The following TCF4 variants were observed in gnomAD, a reference collection of about 807,000 sequenced individuals.
TCF4 encodes the protein SL3-3 enhancer factor 2.
Under a neutral mutation model 82.1 loss-of-function variants are expected in TCF4, and 3 were observed. The ratio of observed to expected loss-of-function variants is 0.04; its 90% CI spans 0.02 to 0.09. TCF4 has a LOEUF of 0.09. TCF4 is among the 10% of genes least tolerant of loss of function. The pLI is 1.00. For missense variants in TCF4, 518 were observed against 852.7 expected (o/e 0.61, Z 4.89); for synonymous variants, 276 against 309.6 (o/e 0.89, Z 1.14).
chr18:55,234,344 ATG>A, intron 16 of TCF4: 1 of 671,876 alleles, frequency 1.5e-6, no homozygotes, highest in East Asian at 2.7e-5. Context: ...ATTTCAGAGG[ATG>A]TTTGAGGAAA....
chr18:55,329,286 C>A (rs1342023075), intron 8 of TCF4, among the ~76,000 whole-genome samples: 1 of 152,042 alleles, frequency 6.6e-6, no homozygotes, highest in African/African-American at 2.4e-5. Context: ...TGAATTTTAA[C>A]GACTGAGTTT....
chr18:55,604,383 T>A (rs1367024697), intron 2 of TCF4, among the ~76,000 whole-genome samples: 13 of 152,152 alleles, frequency 8.5e-5, no homozygotes, highest in Admixed American at 8.5e-4. Flanking sequence ...CTTGTCTTCC[T>A]CTTTTTTCTT....
chr18:55,505,350 A>G (rs2096742787), intron 3 of TCF4, among the ~76,000 whole-genome samples: 1 of 152,192 alleles, frequency 6.6e-6, no homozygotes, highest in Non-Finnish European at 1.5e-5. Flanking sequence ...TACTATCAAC[A>G]ATACATAATA....
At chr18:55,453,425 T>C (rs558696360) in intron 5 of TCF4, among the ~76,000 whole-genome samples, 1 of 152,362 alleles carries the variant, frequency 6.6e-6, no homozygotes, top group East Asian at 1.9e-4. Flanking sequence ...TCCTACCTGA[T>C]ACAAATTGCT....
intron 4 of TCF4, 55 bp downstream of exon 4, chr18:55,464,021 T>TTTA: frequency 6.6e-7 from 1 of 1,510,696 alleles, no homozygotes; most frequent in East Asian, 2.3e-5. Context: ...CTTCTGTTTG[T>TTTA]CAATTTACAT....
chr18:55,348,692 A>G (rs1212662510), intron 8 of TCF4, among the ~76,000 whole-genome samples: 1 of 152,178 alleles, frequency 6.6e-6, no homozygotes, highest in African/African-American at 2.4e-5. Flanking sequence ...AAGCAGATAC[A>G]TACCATCCAA....
At chr18:55,612,368 T>C (rs2097707891) in intron 2 of TCF4, among the ~76,000 whole-genome samples, 2 of 152,222 alleles carry the variant, frequency 1.3e-5, no homozygotes, top group Non-Finnish European at 2.9e-5. Context: ...GTCTATCTTT[T>C]ATTTTATTTG....
At chr18:55,256,210 T>A (rs2056787590) in intron 14 of TCF4, among the ~76,000 whole-genome samples, 1 of 152,194 alleles carries the variant, frequency 6.6e-6, no homozygotes, top group Admixed American at 6.6e-5. Flanking sequence ...CTTGTAAATC[T>A]CTTCTTCAGT....
chr18:55,402,074 T>C, intron 6 of TCF4: 1 of 985,460 alleles, frequency 1.0e-6, no homozygotes, highest in Non-Finnish European at 1.2e-6. Flanking sequence ...ATGTTTCCGT[T>C]GCGCTGGAAT....
At chr18:55,624,111 G>T (rs2097724240) in intron 2 of TCF4, among the ~76,000 whole-genome samples, 2 of 152,024 alleles carry the variant, frequency 1.3e-5, no homozygotes, top group African/African-American at 4.8e-5. Context: ...TGAAGTTTTA[G>T]TATTAGATAG....
intron 3 of TCF4, among the ~76,000 whole-genome samples, chr18:55,469,137 T>C (rs929311895): frequency 1.3e-5 from 2 of 152,186 alleles, no homozygotes; most frequent in Non-Finnish European, 2.9e-5. Context: ...TTTCATCTTA[T>C]TTGATTCATT....
intron 6 of TCF4, among the ~76,000 whole-genome samples, chr18:55,376,183 G>A (rs1023316853): frequency 6.6e-6 from 1 of 151,636 alleles, no homozygotes; most frequent in Non-Finnish European, 1.5e-5. Context: ...CACCACACCA[G>A]GGTTTTGTCT....
intron 6 of TCF4, among the ~76,000 whole-genome samples, chr18:55,400,235 G>T (rs1296452952): frequency 6.6e-6 from 1 of 152,000 alleles, no homozygotes; most frequent in South Asian, 2.1e-4. Context: ...GGACTAGCTT[G>T]CAAAAAACTT....
At chr18:55,400,778 C>T (rs1004786206) in intron 6 of TCF4, 3 of 327,408 alleles carry the variant, frequency 9.2e-6, no homozygotes, top group Admixed American at 4.1e-5. Context: ...TGTTGCTTAC[C>T]ACCACTCTGT....
At chr18:55,450,334 T>C (rs1314454534) in intron 5 of TCF4, among the ~76,000 whole-genome samples, 1 of 152,182 alleles carries the variant, frequency 6.6e-6, no homozygotes, top group African/African-American at 2.4e-5. Flanking sequence ...TTCCTATTAA[T>C]AAATGTGTCA....
chr18:55,624,411 A>G (rs1255096478), intron 2 of TCF4, among the ~76,000 whole-genome samples: 1 of 152,118 alleles, frequency 6.6e-6, no homozygotes, highest in Admixed American at 6.5e-5. Context: ...TCAGGAAGTC[A>G]GTGCATGTTC....
At chr18:55,359,114 T>C (rs1174699560) in intron 6 of TCF4, among the ~76,000 whole-genome samples, 1 of 152,186 alleles carries the variant, frequency 6.6e-6, no homozygotes, top group African/African-American at 2.4e-5. Flanking sequence ...GCCCAAGACA[T>C]GTGAGGCTGT....
At chr18:55,587,188 G>C in intron 1 of TCF4, 52 bp from the exon 2 acceptor site, 1 of 947,916 alleles carries the variant, frequency 1.1e-6, no homozygotes, top group South Asian at 2.1e-5. Flanking sequence ...AATCCTTGGA[G>C]AAAACACAAT....
rs1293820393 is a variant in TCF4 at position 55,226,410 on chromosome 18, T to C, written c.*1625A>G. On this transcript the variant is annotated 3_prime_UTR_variant, in exon 20 of 20. Transcript: ENST00000354452. ...CACTATACACCAAAGTCAATCATTA[T>C]AAAGATTCACGATGGAAGTTGGTTC... The C allele has an allele frequency of 6.6e-6, 1 of 152,520 alleles. No homozygotes were observed. The highest frequency in any genetic ancestry group is 1.5e-5 in the Non-Finnish European group (1 of 68,018). The allele number at this position is 152,520 out of a possible 1,614,324, so 9.4% of individuals were successfully genotyped here. A position where few individuals can be genotyped will look rare whatever the true frequency, so the allele number is the denominator to read the frequency against.
Sources: allele counts gnomAD v4.1 joint callset (sites outside exome capture counted in the v4.1 genomes callset), GRCh38; gene constraint gnomAD v4.1.1; transcripts MANE v1.5; gene names NCBI Gene and HGNC (gene_info 2026-07-23, HGNC 2026-07-21).